CRYBG1: variants seen among roughly 807,000 people sequenced by gnomAD.
CRYBG1 encodes beta/gamma crystallin domain-containing protein 1.
In CRYBG1, 139 loss-of-function variants were observed where a neutral mutation model predicts 189.2. The ratio of observed to expected loss-of-function variants is 0.73; its 90% CI spans 0.64 to 0.85. The LOEUF (loss-of-function observed/expected upper bound fraction) is 0.85. Ranked by LOEUF, CRYBG1 falls within the 40% of genes least tolerant of loss-of-function variation. The pLI is 0.00. For synonymous variants in CRYBG1, 1,023 were observed against 1,017.1 expected, an observed-to-expected ratio of 1.01 and a Z score of -0.11; for missense variants, 2,611 against 2,675.8, an observed-to-expected ratio of 0.98 and a Z score of 0.53.
Position 106,539,394 on chromosome 6 carries a change from GC to G in CRYBG1, c.4719-8del, listed in dbSNP as rs1774079137. 1 of 1,613,256 alleles carries G rather than the reference GC, an allele frequency of 6.2e-7. No homozygotes were observed. The highest frequency in any genetic ancestry group is 8.5e-7 in the Non-Finnish European group (1 of 1,179,696). On this transcript the variant is annotated splice_region_variant and splice_polypyrimidine_tract_variant and intron_variant, in intron 8 of 21. Coordinates refer to ENST00000633556, the MANE Select transcript of CRYBG1 (RefSeq NM_001371242.2). The stretch of plus-strand genomic sequence containing the variant: ...GCTCCCTTTCTTTCCTTCCATGGTG[GC>G]TATTTAGGTGGCTGATTTATGAAGA...
intron 1 of CRYBG1, among the ~76,000 whole-genome samples, chr6:106,377,648 T>TATATATATATA (rs56394821): frequency 6.8e-6 from 1 of 146,696 alleles, no homozygotes; most frequent in African/African-American, 2.5e-5. Context: ...TATATATATA[T>TATATATATATA]TTTCATTTGC....
At chr6:106,496,049 C>T (rs1582796034) in intron 2 of CRYBG1, among the ~76,000 whole-genome samples, 1 of 152,228 alleles carries the variant, frequency 6.6e-6, no homozygotes, top group East Asian at 1.9e-4. Flanking sequence ...GCCTTCTGCC[C>T]TCATCAGCCT....
At chr6:106,457,047 A>G (rs1374704848) in intron 2 of CRYBG1, 1 of 152,224 alleles carries the variant, frequency 6.6e-6, no homozygotes, top group East Asian at 1.9e-4. Flanking sequence ...TCCAACCCAC[A>G]ACCCTGCCAT....
intron 2 of CRYBG1, among the ~76,000 whole-genome samples, chr6:106,465,405 G>A (rs1357588902): frequency 1.3e-5 from 2 of 152,216 alleles, no homozygotes; most frequent in Non-Finnish European, 2.9e-5. Context: ...AGAGGGAATG[G>A]GAATTGGATT....
At chr6:106,482,926 T>C (rs9373870) in intron 2 of CRYBG1, among the ~76,000 whole-genome samples, 16,978 of 152,220 alleles carry the variant, frequency 0.11, 1,182 homozygotes, top group East Asian at 0.27. Flanking sequence ...GTATGCTGTA[T>C]ACTAATCAAA....
At chr6:106,451,248 C>G (rs1771776383) in intron 1 of CRYBG1, among the ~76,000 whole-genome samples, 1 of 152,186 alleles carries the variant, frequency 6.6e-6, no homozygotes, top group South Asian at 2.1e-4. Flanking sequence ...GTTCCCATTT[C>G]CTGGCATAGT....
chr6:106,479,194 A>G (rs1457006047), intron 2 of CRYBG1, among the ~76,000 whole-genome samples: 1 of 152,178 alleles, frequency 6.6e-6, no homozygotes, highest in Non-Finnish European at 1.5e-5. Flanking sequence ...TTTTGTATGG[A>G]CATATATTTT....
chr6:106,495,819 T>TG (rs1554186459), intron 2 of CRYBG1, among the ~76,000 whole-genome samples: 1 of 128,470 alleles, frequency 7.8e-6, no homozygotes, highest in African/African-American at 2.9e-5. Context: ...TTTCCTTGAG[T>TG]AAAAAAAAAA....
chr6:106,542,446 CT>C (rs1358360996), intron 10 of CRYBG1, among the ~76,000 whole-genome samples: 5 of 151,274 alleles, frequency 3.3e-5, no homozygotes, highest in African/African-American at 1.2e-4. Context: ...CTACACCCAA[CT>C]TTTTTTCTTT....
chr6:106,541,459 G>C, intron 9 of CRYBG1, 127 bp from the exon 10 acceptor site: 1 of 919,802 alleles, frequency 1.1e-6, no homozygotes, highest in Non-Finnish European at 1.8e-6. Context: ...ACTATCTCAC[G>C]TAAGTTAAAA....
In CRYBG1 at chr6:106,544,610, G is replaced by A; in HGVS notation, c.5079G>A (p.Gln1693=). ...AGAAACCTGGATTTACCGGTCATCA[G>A]TATTTGCTAGAAGAAGGAGAATACA... ...AYEKPGFTGH[Q]YLLEEGEYRD... Residue 1693 remains glutamine (Q), a synonymous_variant, in exon 12 of 22, where the codon CAG becomes CAA. Transcript: ENST00000633556. 1 of 1,614,030 alleles carries A rather than the reference G, an allele frequency of 6.2e-7. No homozygotes were observed. Among genetic ancestry groups the A allele is most frequent in the Non-Finnish European group, 8.5e-7 (1 of 1,179,918 alleles).
chr6:106,527,058 T>G (rs9486379), intron 6 of CRYBG1, among the ~76,000 whole-genome samples: 31,116 of 151,280 alleles, frequency 0.21, 3,338 homozygotes, highest in Non-Finnish European at 0.25. Flanking sequence ...CATTAGTAGC[T>G]CTATAGCATT....
intron 7 of CRYBG1, among the ~76,000 whole-genome samples, chr6:106,528,160 G>C (rs1773795948): frequency 1.3e-5 from 2 of 152,224 alleles, no homozygotes; most frequent in Non-Finnish European, 1.5e-5. Context: ...GAGTAAGGAT[G>C]AGTAACAGTT....
rs375230068 is a variant in CRYBG1 at position 106,404,523 on chromosome 6, A to G, written c.173+43442A>G. Among the ~76,000 whole-genome samples the G allele has an allele frequency of 3.3e-5, 5 of 152,368 alleles. 1 individual carries two copies. ...ATCTGAACATCCAAATCTCAGTCACATAATATCTTCACTGATATCTTGGCT... is the reference window on the plus strand; with the variant it reads ...ATCTGAACATCCAAATCTCAGTCACGTAATATCTTCACTGATATCTTGGCT... On this transcript the variant is annotated intron_variant, in intron 1 of 21. Coordinates refer to ENST00000633556, the MANE Select transcript of CRYBG1 (RefSeq NM_001371242.2).
chr6:106,376,768 T>C (rs1770171416), intron 1 of CRYBG1, among the ~76,000 whole-genome samples: 1 of 152,196 alleles, frequency 6.6e-6, no homozygotes. Context: ...TCTCTTTGTG[T>C]GTACCATCGG....
At chr6:106,556,724 C>T (rs1774556509) in intron 17 of CRYBG1, among the ~76,000 whole-genome samples, 2 of 152,136 alleles carry the variant, frequency 1.3e-5, no homozygotes, top group South Asian at 4.1e-4. Context: ...TTTAAACACA[C>T]GTAATTGCTC....
At chr6:106,404,289 G>C (rs1172705031) in intron 1 of CRYBG1, among the ~76,000 whole-genome samples, 2 of 152,150 alleles carry the variant, frequency 1.3e-5, no homozygotes, top group Non-Finnish European at 2.9e-5. Flanking sequence ...GTACTACACT[G>C]TTTCATACAT....
At chr6:106,394,753 C>T (rs1347322650) in intron 1 of CRYBG1, among the ~76,000 whole-genome samples, 1 of 152,046 alleles carries the variant, frequency 6.6e-6, no homozygotes, top group Admixed American at 6.6e-5. Flanking sequence ...TTGAGGAAAG[C>T]TTGACAGGCT....
intron 8 of CRYBG1, among the ~76,000 whole-genome samples, chr6:106,536,390 T>C (rs1453906422): frequency 6.6e-6 from 1 of 152,236 alleles, no homozygotes; most frequent in East Asian, 1.9e-4. Context: ...AGGTTCATTT[T>C]CCCCTTTGAC....
Sources: allele counts gnomAD v4.1 joint callset (sites outside exome capture counted in the v4.1 genomes callset), GRCh38; gene constraint gnomAD v4.1.1; transcripts MANE v1.5; gene names NCBI Gene and HGNC (gene_info 2026-07-23, HGNC 2026-07-21).